Variants in CRIM1 observed in about 807,000 individuals in gnomAD.
CRIM1 encodes the protein cysteine rich transmembrane BMP regulator 1.
In CRIM1, 32 loss-of-function variants were observed where a neutral mutation model predicts 116.4. That is an observed-to-expected ratio of 0.27 (90% CI 0.21 to 0.37). CRIM1 has a LOEUF of 0.37. Ranked by LOEUF, CRIM1 falls within the 10% of genes least tolerant of loss-of-function variation. The probability of loss-of-function intolerance (pLI) is 1.00; values close to 1 mark genes in which losing one functional copy is unlikely to be tolerated. For synonymous variants in CRIM1, 590 were observed against 509.2 expected, an observed-to-expected ratio of 1.16 and a Z score of -2.13; for missense variants, 1,331 against 1,354.8, an observed-to-expected ratio of 0.98 and a Z score of 0.28.
chr2:36,416,143 G>T (rs999532896), intron 2 of CRIM1, among the ~76,000 whole-genome samples: 1 of 152,076 alleles, frequency 6.6e-6, no homozygotes, highest in South Asian at 2.1e-4. Flanking sequence ...GGGAGGTGGA[G>T]GTTACAGTGA....
intron 2 of CRIM1, among the ~76,000 whole-genome samples, chr2:36,399,156 A>G (rs1024702452): frequency 6.6e-6 from 1 of 152,252 alleles, no homozygotes; most frequent in Non-Finnish European, 1.5e-5. Context: ...GAGGGAGGAT[A>G]GGACCAGATT....
chr2:36,433,977 A>G (rs1432609926), intron 2 of CRIM1, among the ~76,000 whole-genome samples: 1 of 152,094 alleles, frequency 6.6e-6, no homozygotes, highest in Non-Finnish European at 1.5e-5. Context: ...GAAATATGAA[A>G]TATTTCTGGG....
intron 14 of CRIM1, among the ~76,000 whole-genome samples, chr2:36,542,118 G>T (rs959279946): frequency 6.6e-6 from 1 of 152,142 alleles, no homozygotes; most frequent in African/African-American, 2.4e-5. Context: ...AATCAGAGCT[G>T]AACTGAGTGG....
chr2:36,499,207 A>G lies in CRIM1; in HGVS notation c.1373-12A>G. ...TGTTTCATTGGTTATTTTTTTCTCT[A>G]TTTATTATTAGAACCAACCATCATC... On this transcript the variant is annotated splice_polypyrimidine_tract_variant and intron_variant, in intron 7 of 16. Coordinates refer to ENST00000280527, the MANE Select transcript of CRIM1 (RefSeq NM_016441.3). 6.3e-7 allele frequency: 1 copy of G among 1,598,652 alleles called. No homozygotes were observed. The highest frequency in any genetic ancestry group is 8.6e-7 in the Non-Finnish European group (1 of 1,169,072).
chr2:36,414,112 C>G (rs1673427142), intron 2 of CRIM1, among the ~76,000 whole-genome samples: 1 of 152,172 alleles, frequency 6.6e-6, no homozygotes, highest in Non-Finnish European at 1.5e-5. Flanking sequence ...CAGTTGGGTA[C>G]CATATGCCTT....
chr2:36,462,040 C>T (rs1381186823), intron 4 of CRIM1, among the ~76,000 whole-genome samples: 3 of 152,102 alleles, frequency 2.0e-5, no homozygotes, highest in Admixed American at 1.3e-4. Flanking sequence ...AACAAGGAGA[C>T]AGGAGCTGGG....
Position 36,479,480 on chromosome 2 carries a change from C to T in CRIM1, c.1175-17C>T, listed in dbSNP as rs200699391. ...AGAAGATGCTCAGTCTAACTCTGAA[C>T]TCATGTTCTCATTTAGATCCAGTGT... On this transcript the variant is annotated splice_polypyrimidine_tract_variant and intron_variant, in intron 6 of 16. Coordinates refer to ENST00000280527, the MANE Select transcript of CRIM1 (RefSeq NM_016441.3). 185 of 1,613,188 alleles carry T rather than the reference C, an allele frequency of 1.1e-4. No homozygotes were observed. The highest frequency in any genetic ancestry group is 3.2e-4 in the Admixed American group (19 of 60,032).
chr2:36,525,344 G>A (rs775678931), intron 13 of CRIM1, among the ~76,000 whole-genome samples: 4 of 152,138 alleles, frequency 2.6e-5, no homozygotes, highest in South Asian at 4.1e-4. Context: ...TCCGGTTTGC[G>A]TTTGGGCTTG....
chr2:36,385,486 A>G (rs191524639), intron 1 of CRIM1, among the ~76,000 whole-genome samples: 43 of 152,236 alleles, frequency 2.8e-4, no homozygotes, highest in African/African-American at 9.9e-4. Context: ...AGTTGAGATC[A>G]TGTTTATATT....
chr2:36,482,159 C>G lies in CRIM1; in HGVS notation c.1372+2465C>G, dbSNP rs72866818. Among the ~76,000 whole-genome samples, 765 of 152,254 alleles carry G rather than the reference C, an allele frequency of 5.0e-3. 8 individuals carry two copies. Among genetic ancestry groups the G allele is most frequent in the African/African-American group, 0.017 (724 of 41,542 alleles). ...TTTTCCTCTCTGTCTCTTTCATGCT[C>G]TGGCTCTGATCTCTCATCAAACGTT... On this transcript the variant is annotated intron_variant, in intron 7 of 16. Coordinates refer to ENST00000280527, the MANE Select transcript of CRIM1 (RefSeq NM_016441.3).
In CRIM1 at chr2:36,549,838, A is replaced by T. The variant is rs1226806546; in HGVS notation, c.*1137A>T. 1 of 150,886 alleles carries T rather than the reference A, an allele frequency of 6.6e-6. No individual in the cohort carries two copies. Among genetic ancestry groups the T allele is most frequent in the African/African-American group, 2.4e-5 (1 of 41,118 alleles). The allele number at this position is 150,886 out of a possible 1,614,324, so 9.3% of individuals were successfully genotyped here. On this transcript the variant is annotated 3_prime_UTR_variant, in exon 17 of 17. Transcript: ENST00000280527. ...AAAGTATTTGTGTGCATGTGTATAT[A>T]ATATATATATATACATATATATTTA...
chr2:36,502,013 A>T (rs111293653), intron 8 of CRIM1, among the ~76,000 whole-genome samples: 196 of 152,344 alleles, frequency 1.3e-3, no homozygotes, highest in African/African-American at 4.5e-3. Context: ...CTCTTACATT[A>T]AGAAAGCTAC....
In CRIM1 at chr2:36,517,632, C is replaced by T. The variant is rs532893252; in HGVS notation, c.2206+90C>T. ...TGTGGGACCCACAGGGCAGGATCAGCCCCATATGGGAGTGTGCCAAACCCA... is the reference window on the plus strand; with the variant it reads ...TGTGGGACCCACAGGGCAGGATCAGTCCCATATGGGAGTGTGCCAAACCCA... On this transcript the variant is annotated intron_variant, in intron 12 of 16. Coordinates refer to ENST00000280527, the MANE Select transcript of CRIM1 (RefSeq NM_016441.3). The T allele has an allele frequency of 7.7e-5, 102 of 1,318,686 alleles. 1 individual carries two copies. In the African/African-American group the frequency reaches 1.2e-3, roughly 15 times the overall value. 81.7% of individuals were successfully genotyped at this position (1,318,686 alleles called of 1,614,324 possible). A position where few individuals can be genotyped will look rare whatever the true frequency, so the allele number is the denominator to read the frequency against.
intron 2 of CRIM1, among the ~76,000 whole-genome samples, chr2:36,416,863 C>T (rs1252962580): frequency 6.6e-6 from 1 of 152,210 alleles, no homozygotes; most frequent in African/African-American, 2.4e-5. Context: ...AGTCGAACAG[C>T]CTCTTTCCTG....
intron 5 of CRIM1, among the ~76,000 whole-genome samples, chr2:36,472,298 C>T (rs1397238798): frequency 1.3e-5 from 2 of 152,170 alleles, no homozygotes; most frequent in Non-Finnish European, 2.9e-5. Flanking sequence ...AGTAATTGGT[C>T]ATTGCTCCTC....
chr2:36,426,042 T>C (rs897363883), intron 2 of CRIM1, among the ~76,000 whole-genome samples: 4 of 152,218 alleles, frequency 2.6e-5, no homozygotes, highest in Non-Finnish European at 5.9e-5. Flanking sequence ...CAAAACTGTT[T>C]TCTTTGTGAA....
intron 2 of CRIM1, among the ~76,000 whole-genome samples, chr2:36,418,132 G>A (rs1014004200): frequency 3.9e-5 from 6 of 152,160 alleles, no homozygotes; most frequent in African/African-American, 1.4e-4. Flanking sequence ...TGAAGGTAAA[G>A]TAAGAGCTCA....
At chr2:36,535,441 T>C (rs1666478275) in intron 13 of CRIM1, among the ~76,000 whole-genome samples, 1 of 152,234 alleles carries the variant, frequency 6.6e-6, no homozygotes, top group Non-Finnish European at 1.5e-5. Flanking sequence ...ATAACTAGTG[T>C]GCCAGAAAAT....
At chr2:36,377,076 C>G (rs944846938) in intron 1 of CRIM1, among the ~76,000 whole-genome samples, 1 of 152,164 alleles carries the variant, frequency 6.6e-6, no homozygotes, top group Non-Finnish European at 1.5e-5. Context: ...CCGGAAGGCC[C>G]ACATCCAACA....
Sources: allele counts gnomAD v4.1 joint callset (sites outside exome capture counted in the v4.1 genomes callset), GRCh38; gene constraint gnomAD v4.1.1; transcripts MANE v1.5; gene names NCBI Gene and HGNC (gene_info 2026-07-23, HGNC 2026-07-21).